Variants in LYRM4 observed in about 807,000 individuals in gnomAD.
LYRM4 encodes LYR motif containing 4.
LYRM4 carries 9 observed loss-of-function variants against 11.7 expected under a neutral mutation model. The ratio of observed to expected loss-of-function variants is 0.77; its 90% CI spans 0.46 to 1.34. The LOEUF (loss-of-function observed/expected upper bound fraction) is 1.34, where lower values mean the gene tolerates loss of function less well. Ranked by LOEUF, LYRM4 falls within the 40% of genes most tolerant of loss-of-function variation. The pLI is 0.00. For missense variants in LYRM4, 133 were observed against 112.5 expected, an observed-to-expected ratio of 1.18 and a Z score of -0.82; for synonymous variants, 42 against 40.4, an observed-to-expected ratio of 1.04 and a Z score of -0.15.
intron 2 of LYRM4, among the ~76,000 whole-genome samples, chr6:5,196,541 C>A (rs139553383): frequency 6.6e-6 from 1 of 152,220 alleles, no homozygotes; most frequent in African/African-American, 2.4e-5. Flanking sequence ...CAGGTTGGTA[C>A]AGTGCCTTCC....
intron 1 of LYRM4, among the ~76,000 whole-genome samples, chr6:5,233,975 G>T (rs1255150062): frequency 6.6e-6 from 1 of 152,214 alleles, no homozygotes; most frequent in Non-Finnish European, 1.5e-5. Context: ...TCACAATGCA[G>T]TTCTACAGCC....
chr6:5,176,023 A>G (rs1032593468), intron 2 of LYRM4, among the ~76,000 whole-genome samples: 3 of 152,014 alleles, frequency 2.0e-5, no homozygotes, highest in Middle Eastern at 3.4e-3. Flanking sequence ...CGGCCCAGAT[A>G]ATCTGTGAGT....
At chr6:5,180,693 C>T (rs77919008) in intron 2 of LYRM4, among the ~76,000 whole-genome samples, 2,716 of 152,298 alleles carry the variant, frequency 0.018, 76 homozygotes, top group African/African-American at 0.062. Context: ...GCTCTGCCAG[C>T]GTGGACCTGG....
At chr6:5,186,466 A>C in intron 2 of LYRM4, 3 of 763,694 alleles carry the variant, frequency 3.9e-6, no homozygotes, top group Non-Finnish European at 4.8e-6. Flanking sequence ...TTATTCCATA[A>C]ATGATACTAG....
At chr6:5,213,868 G>C (rs1762111440) in intron 2 of LYRM4, among the ~76,000 whole-genome samples, 1 of 152,228 alleles carries the variant, frequency 6.6e-6, no homozygotes, top group South Asian at 2.1e-4. Context: ...TTTCCTATGT[G>C]CTAGCATTAT....
At chr6:5,200,908 C>T (rs533620417) in intron 2 of LYRM4, among the ~76,000 whole-genome samples, 124 of 152,324 alleles carry the variant, frequency 8.1e-4, no homozygotes, top group African/African-American at 2.8e-3. Context: ...AAGATACCCT[C>T]AGAGCCAGAA....
chr6:5,159,876 CTTTAT>C (rs1758648205), intron 2 of LYRM4, among the ~76,000 whole-genome samples: 1 of 152,188 alleles, frequency 6.6e-6, no homozygotes, highest in South Asian at 2.1e-4. Context: ...TTGGAATCTG[CTTTAT>C]TTTCTCACAT....
At chr6:5,245,157 TATATATAA>T (rs1561899230) in intron 1 of LYRM4, among the ~76,000 whole-genome samples, 5 of 77,752 alleles carry the variant, frequency 6.4e-5, no homozygotes, top group Admixed American at 1.7e-4. Context: ...TATATATATA[TATATATAA>T]AATAGGTGAA....
At chr6:5,250,403 GGCT>G (rs1281390661) in intron 1 of LYRM4, among the ~76,000 whole-genome samples, 1 of 151,866 alleles carries the variant, frequency 6.6e-6, no homozygotes, top group African/African-American at 2.4e-5. Flanking sequence ...CCAAAACCTT[GGCT>G]GCTATATAAT....
At chr6:5,179,065 CAAAAAAAAAA>C (rs58749743) in intron 2 of LYRM4, among the ~76,000 whole-genome samples, 40,258 of 105,236 alleles carry the variant, frequency 0.38, 5,339 homozygotes, top group East Asian at 0.56. Flanking sequence ...ACCAAAAAAA[CAAAAAAAAAA>C]AAAAAAAAAA....
intron 1 of LYRM4, among the ~76,000 whole-genome samples, chr6:5,225,458 A>T (rs1377356790): frequency 6.6e-6 from 1 of 152,122 alleles, no homozygotes; most frequent in East Asian, 1.9e-4. Flanking sequence ...TTCCTTCACA[A>T]ACGGTAGCAT....
At chr6:5,128,815 C>G (rs1434950282) in intron 2 of LYRM4, among the ~76,000 whole-genome samples, 1 of 152,152 alleles carries the variant, frequency 6.6e-6, no homozygotes, top group Non-Finnish European at 1.5e-5. Flanking sequence ...GTGTGAGGCC[C>G]CATGTCACCT....
At chr6:5,233,114 C>G (rs564412386) in intron 1 of LYRM4, among the ~76,000 whole-genome samples, 11 of 152,214 alleles carry the variant, frequency 7.2e-5, no homozygotes, top group Non-Finnish European at 4.4e-5. Context: ...AACTGGACGA[C>G]GTCCTCACTG....
chr6:5,248,629 A>G (rs976633752), intron 1 of LYRM4, among the ~76,000 whole-genome samples: 1 of 152,224 alleles, frequency 6.6e-6, no homozygotes, highest in Non-Finnish European at 1.5e-5. Flanking sequence ...TTCCCCAGCT[A>G]GTCCCTACTA....
chr6:5,157,094 T>C (rs1367741219), intron 2 of LYRM4, among the ~76,000 whole-genome samples: 7 of 152,226 alleles, frequency 4.6e-5, no homozygotes, highest in Non-Finnish European at 1.5e-5. Flanking sequence ...AGTGAGTTAG[T>C]GAACCTAGCA....
intron 2 of LYRM4, among the ~76,000 whole-genome samples, chr6:5,189,248 G>A (rs568026341): frequency 2.6e-5 from 4 of 152,308 alleles, no homozygotes; most frequent in African/African-American, 9.6e-5. Context: ...GAGAAATTAA[G>A]TGCTTAGCCT....
At chr6:5,156,743 A>T (rs1022651779) in intron 2 of LYRM4, among the ~76,000 whole-genome samples, 6 of 152,202 alleles carry the variant, frequency 3.9e-5, no homozygotes, top group Non-Finnish European at 7.3e-5. Context: ...AGAAACAGAA[A>T]CACCCAGCTC....
chr6:5,253,451 CTGTTTA>C (rs1326805038), intron 1 of LYRM4, among the ~76,000 whole-genome samples: 3 of 150,942 alleles, frequency 2.0e-5, no homozygotes, highest in Admixed American at 6.6e-5. Context: ...TAATGACTTG[CTGTTTA>C]TGTTTATTTT....
At chr6:5,237,065 T>C (rs1004460345) in intron 1 of LYRM4, among the ~76,000 whole-genome samples, 8 of 152,186 alleles carry the variant, frequency 5.3e-5, no homozygotes, top group African/African-American at 1.4e-4. Flanking sequence ...AGGTAAAGAA[T>C]TGGCTTTCTA....
Sources: allele counts gnomAD v4.1 joint callset (sites outside exome capture counted in the v4.1 genomes callset), GRCh38; gene constraint gnomAD v4.1.1; transcripts MANE v1.5; gene names NCBI Gene and HGNC (gene_info 2026-07-23, HGNC 2026-07-21).